SDK1: variants seen among roughly 807,000 people sequenced by gnomAD.
The protein encoded by SDK1 is protein sidekick-1.
A neutral mutation model predicts 245.5 loss-of-function variants in SDK1; 157 were observed. The ratio of observed to expected loss-of-function variants is 0.64; its 90% CI spans 0.56 to 0.73. The LOEUF (loss-of-function observed/expected upper bound fraction) is 0.73. Ranked by LOEUF, SDK1 falls within the 30% of genes least tolerant of loss-of-function variation. SDK1 has a pLI of 0.00. For missense variants in SDK1, 3,583 were observed against 3,002.3 expected, an observed-to-expected ratio of 1.19 and a Z score of -4.52; for synonymous variants, 1,647 against 1,278.5, an observed-to-expected ratio of 1.29 and a Z score of -6.15.
intron 1 of SDK1, among the ~76,000 whole-genome samples, chr7:3,463,215 T>C (rs1780887615): frequency 6.6e-6 from 1 of 152,204 alleles, no homozygotes; most frequent in Admixed American, 6.5e-5. Context: ...GGTTTACATT[T>C]AATTTTGTGA....
At chr7:3,521,805 T>C (rs192689948) in intron 1 of SDK1, among the ~76,000 whole-genome samples, 17 of 152,308 alleles carry the variant, frequency 1.1e-4, no homozygotes, top group Non-Finnish European at 1.0e-4. Context: ...GAATAAAATA[T>C]ACAGTTGTAC....
chr7:3,603,715 C>G (rs555478901), intron 1 of SDK1, among the ~76,000 whole-genome samples: 18 of 152,244 alleles, frequency 1.2e-4, no homozygotes, highest in African/African-American at 4.3e-4. Context: ...ACTTCCAACA[C>G]TATGTTGAAT....
intron 1 of SDK1, among the ~76,000 whole-genome samples, chr7:3,332,700 G>T (rs919665709): frequency 6.6e-6 from 1 of 152,142 alleles, no homozygotes; most frequent in African/African-American, 2.4e-5. Context: ...GTCATAATGT[G>T]CTGTAGGGGA....
At chr7:3,647,175 C>T (rs556369401) in intron 4 of SDK1, among the ~76,000 whole-genome samples, 1 of 152,340 alleles carries the variant, frequency 6.6e-6, no homozygotes, top group South Asian at 2.1e-4. Flanking sequence ...GGCTTGAGCC[C>T]AGTAGCTTGA....
intron 22 of SDK1, among the ~76,000 whole-genome samples, chr7:4,092,679 A>C (rs975583934): frequency 2.6e-5 from 4 of 152,160 alleles, no homozygotes; most frequent in Non-Finnish European, 5.9e-5. Context: ...CTAGATACAA[A>C]GTCATTAATC....
rs187481182 is a variant in SDK1, at chr7:4,184,227, C to T, written c.5098+5641C>T. 5.9e-5 allele frequency among the ~76,000 whole-genome samples: 9 copies of T among 152,310 alleles called. 1 individual carries two copies. In the South Asian group the frequency reaches 6.2e-4, roughly 11 times the overall value. On this transcript the variant is annotated intron_variant, in intron 35 of 44. Transcript: ENST00000404826. ...TCAGAGCACCACAAACTCGTGGGCC[C>T]GAAATGCTCAAAGGCTTTTATGAAA... is the stretch of plus-strand genomic sequence containing the variant.
In SDK1 at chr7:3,887,720, TTTC is replaced by T. The variant is rs1434601109; in HGVS notation, c.848-63200_848-63198del. On this transcript the variant is annotated intron_variant, in intron 5 of 44. Coordinates refer to ENST00000404826, the MANE Select transcript of SDK1 (RefSeq NM_152744.4). Reference sequence around the variant, plus strand: ...ACATCATATGAGTTTGTATCATCTTTTTCTTTTCTACCTCTCCAAGTGGGTGGG... The same window carrying T: ...ACATCATATGAGTTTGTATCATCTTTTTTTCTACCTCTCCAAGTGGGTGGG... Among the ~76,000 whole-genome samples, 20 of 152,370 alleles carry T rather than the reference TTTC, an allele frequency of 1.3e-4. No homozygotes were observed. In the South Asian group the frequency reaches 1.7e-3, roughly 13 times the overall value.
At chr7:3,628,669 C>T (rs1782192696) in intron 2 of SDK1, among the ~76,000 whole-genome samples, 1 of 152,174 alleles carries the variant, frequency 6.6e-6, no homozygotes, top group South Asian at 2.1e-4. Context: ...CTCTTTGTCT[C>T]CCTAAAAACT....
At chr7:3,926,374 A>G (rs1779767418) in intron 5 of SDK1, among the ~76,000 whole-genome samples, 2 of 152,168 alleles carry the variant, frequency 1.3e-5, no homozygotes, top group African/African-American at 4.8e-5. Context: ...TGAGTCTGTT[A>G]TGTTTTGTCT....
chr7:3,697,758 T>G (rs1481256837), intron 4 of SDK1, among the ~76,000 whole-genome samples: 7 of 152,206 alleles, frequency 4.6e-5, no homozygotes, highest in Non-Finnish European at 1.0e-4. Flanking sequence ...TCACCAGTAT[T>G]TCTATGTGGT....
At chr7:4,172,334 A>G (rs1250142630) in intron 32 of SDK1, among the ~76,000 whole-genome samples, 2 of 152,158 alleles carry the variant, frequency 1.3e-5, no homozygotes, top group Non-Finnish European at 2.9e-5. Flanking sequence ...TGCGTGTCGC[A>G]TGCTGCATGC....
At chr7:3,697,493 T>C (rs1035257637) in intron 4 of SDK1, among the ~76,000 whole-genome samples, 10 of 152,208 alleles carry the variant, frequency 6.6e-5, no homozygotes, top group Non-Finnish European at 1.5e-4. Context: ...GAAAAAGGTT[T>C]CCTGTTTGTT....
At chr7:3,833,930 A>C (rs752477656) in intron 5 of SDK1, among the ~76,000 whole-genome samples, 1 of 152,178 alleles carries the variant, frequency 6.6e-6, no homozygotes, top group South Asian at 2.1e-4. Flanking sequence ...ATATTAAGCC[A>C]TGTTGCCCCC....
intron 35 of SDK1, among the ~76,000 whole-genome samples, chr7:4,198,413 C>T (rs1346543448): frequency 6.6e-6 from 1 of 152,214 alleles, no homozygotes; most frequent in Non-Finnish European, 1.5e-5. Flanking sequence ...GCACTTGACG[C>T]ACCAGCTCCC....
chr7:3,838,789 C>G (rs79630386), intron 5 of SDK1, among the ~76,000 whole-genome samples: 1 of 152,130 alleles, frequency 6.6e-6, no homozygotes, highest in Admixed American at 6.6e-5. Context: ...GGGTGTCGAT[C>G]AAAATGTTTG....
chr7:3,641,384 A>G (rs1472682300), intron 3 of SDK1, among the ~76,000 whole-genome samples: 1 of 152,158 alleles, frequency 6.6e-6, no homozygotes, highest in East Asian at 1.9e-4. Context: ...CAGTAGAACA[A>G]ATACTGGAAC....
At chr7:3,861,173 A>G (rs971527637) in intron 5 of SDK1, among the ~76,000 whole-genome samples, 1 of 152,216 alleles carries the variant, frequency 6.6e-6, no homozygotes, top group African/African-American at 2.4e-5. Context: ...TCAACTGGAA[A>G]CAGTTGTAAT....
chr7:3,959,763 G>A (rs114356823), intron 8 of SDK1, among the ~76,000 whole-genome samples: 1,857 of 152,036 alleles, frequency 0.012, 34 homozygotes, highest in South Asian at 0.044. Flanking sequence ...CTTTTTTGTG[G>A]CCGAATAGTA....
Position 3,523,298 on chromosome 7 carries a change from G to A in SDK1, c.299-95782G>A, listed in dbSNP as rs138869490. ...ACAGATGTCTTCTCAGTGCAGGGAA[G>A]TGTGCTAGGGACTGCATCCTAGAGA... On this transcript the variant is annotated intron_variant, in intron 1 of 44. Coordinates refer to ENST00000404826, the MANE Select transcript of SDK1 (RefSeq NM_152744.4). Among the ~76,000 whole-genome samples, 368 of 152,260 alleles carry A rather than the reference G, an allele frequency of 2.4e-3. 3 individuals carry two copies. The highest frequency in any genetic ancestry group is 0.018 in the South Asian group (86 of 4,816).
Sources: allele counts gnomAD v4.1 joint callset (sites outside exome capture counted in the v4.1 genomes callset), GRCh38; gene constraint gnomAD v4.1.1; transcripts MANE v1.5; gene names NCBI Gene and HGNC (gene_info 2026-07-23, HGNC 2026-07-21).